P4HA2: variants seen among roughly 807,000 people sequenced by gnomAD.
P4HA2 encodes prolyl 4-hydroxylase subunit alpha-2.
P4HA2 carries 46 observed loss-of-function variants against 76.9 expected under a neutral mutation model. The ratio of observed to expected loss-of-function variants is 0.60; its 90% CI spans 0.47 to 0.76. The LOEUF is 0.76. Ranked by LOEUF, P4HA2 falls within the 30% of genes least tolerant of loss-of-function variation. P4HA2 has a pLI of 0.00. For synonymous variants in P4HA2, 243 were observed against 254.0 expected (o/e 0.96, Z 0.41); for missense variants, 583 against 669.4 (o/e 0.87, Z 1.42).
intron 14 of P4HA2, 61 bp from the exon 15 acceptor site, chr5:132,193,141 G>C: frequency 8.7e-7 from 1 of 1,146,964 alleles, no homozygotes; most frequent in Non-Finnish European, 1.3e-6. Context: ...CTGAATGAAT[G>C]ACTCCTTCAT....
At chr5:132,193,215 C>G in intron 14 of P4HA2, 135 bp from the exon 15 acceptor site, 1 of 645,534 alleles carries the variant, frequency 1.5e-6, no homozygotes, top group East Asian at 2.6e-5. Flanking sequence ...TCTCAGGCCT[C>G]AATTTGCTGA....
intron 11 of P4HA2, 96 bp downstream of exon 11, chr5:132,198,783 G>C: frequency 1.2e-6 from 1 of 840,448 alleles, no homozygotes; most frequent in Non-Finnish European, 2.1e-6. Context: ...AGGGGTGGGG[G>C]TACTGATGTG....
At position 132,198,308 on chromosome 5, in the gene P4HA2, A is replaced by C. The variant is rs1226909838; in HGVS notation, c.1365+13T>G. 10 of 1,614,188 alleles carry C rather than the reference A, an allele frequency of 6.2e-6. No individual in the cohort carries two copies. The highest frequency in any genetic ancestry group is 8.5e-6 in the Non-Finnish European group (10 of 1,180,032). On this transcript the variant is annotated intron_variant, in intron 12 of 14. Transcript: ENST00000360568. The stretch of plus-strand genomic sequence containing the variant: ...AGTGAGAATGAACAGGTGGGCCTGG[A>C]CCCAGTACTTACGTAGTTAAGAAAC...
intron 7 of P4HA2, 146 bp downstream of exon 7, chr5:132,208,992 G>T: frequency 1.5e-6 from 1 of 646,548 alleles, no homozygotes; most frequent in Middle Eastern, 4.4e-4. Flanking sequence ...ATATCCACAT[G>T]TCAGCCTCAG....
At chr5:132,218,783 A>G in intron 1 of P4HA2, 139 bp from the exon 2 acceptor site, 1 of 586,392 alleles carries the variant, frequency 1.7e-6, no homozygotes, top group Non-Finnish European at 3.1e-6. Flanking sequence ...GAAGCTAAAA[A>G]GGACAAACAG....
chr5:132,217,072 G>A, intron 4 of P4HA2, 125 bp downstream of exon 4: 2 of 827,594 alleles, frequency 2.4e-6, no homozygotes, highest in South Asian at 1.9e-5. Context: ...GAGACCAGCA[G>A]GGTCCTGTTT....
At position 132,225,177 on chromosome 5, in the gene P4HA2, T is replaced by G. The variant is rs142455915; in HGVS notation, c.-19+2613A>C. Among the ~76,000 whole-genome samples the G allele has an allele frequency of 3.4e-3, 518 of 152,178 alleles. 6 individuals carry two copies. Among genetic ancestry groups the G allele is most frequent in the African/African-American group, 0.012 (497 of 41,512 alleles). On this transcript the variant is annotated intron_variant, in intron 1 of 14. Transcript: ENST00000360568. ...GGCTGATGTCTTACCCTAAGGAACT[T>G]CAAATGTCCAAATTGCTAGATGTGA...
chr5:132,219,887 C>T (rs1182298952), intron 1 of P4HA2, among the ~76,000 whole-genome samples: 2 of 152,030 alleles, frequency 1.3e-5, no homozygotes, highest in Non-Finnish European at 1.5e-5. Context: ...CAGAGAAGGC[C>T]AACCACAACT....
In P4HA2 at chr5:132,192,041, A is replaced by C. The variant is rs200492796; in HGVS notation, c.*969T>G. 1.3e-5 allele frequency: 2 copies of C among 152,276 alleles called. No individual in the cohort carries two copies. The highest frequency in any genetic ancestry group is 2.9e-5 in the Non-Finnish European group (2 of 68,046). The allele number at this position is 152,276 out of a possible 1,614,324, so 9.4% of individuals were successfully genotyped here. On this transcript the variant is annotated 3_prime_UTR_variant, in exon 15 of 15. Transcript: ENST00000360568. ...ACTCTCATTCTATTAGTAAAAGTTC[A>C]AAATCAGGGAAAACAGAATAACTAC...
intron 4 of P4HA2, among the ~76,000 whole-genome samples, chr5:132,215,120 G>A (rs1580725837): frequency 6.6e-6 from 1 of 152,344 alleles, no homozygotes; most frequent in East Asian, 1.9e-4. Context: ...CAGGGACCAA[G>A]AAGCTGTAAC....
chr5:132,191,320 G>A lies in P4HA2; in HGVS notation c.*1690C>T, dbSNP rs1345786151. On this transcript the variant is annotated 3_prime_UTR_variant, in exon 15 of 15. Coordinates refer to ENST00000360568, the MANE Select transcript of P4HA2 (RefSeq NM_001017974.2). ...GAGGTCAGGAGATCGAGACCATCCC[G>A]GCTAAAACGGTGAAACCCCGTCTCT... Among the ~76,000 whole-genome samples the A allele has an allele frequency of 6.6e-6, 1 of 151,800 alleles. No homozygotes were observed. The highest frequency in any genetic ancestry group is 2.4e-5 in the African/African-American group (1 of 41,324).
chr5:132,195,010 A>G lies in P4HA2; in HGVS notation c.1447T>C (p.Phe483Leu), dbSNP rs763191975. ...AIWPKKGTAV[F>L]WYNLLRSGEG... Reference sequence around the variant, plus strand: ...CCGCTCCGCAAGAGGTTGTACCAGAACACAGCTGTACCCTGGGAAAGAGAT... The same window carrying G: ...CCGCTCCGCAAGAGGTTGTACCAGAGCACAGCTGTACCCTGGGAAAGAGAT... Residue 483 changes from phenylalanine to leucine, a missense_variant, in exon 14 of 15, where the codon TTC becomes CTC. Transcript: ENST00000360568. 6.2e-7 allele frequency: 1 copy of G among 1,609,806 alleles called. No homozygotes were observed. Among genetic ancestry groups the G allele is most frequent in the Non-Finnish European group, 8.5e-7 (1 of 1,176,020 alleles).
intron 1 of P4HA2, among the ~76,000 whole-genome samples, chr5:132,222,706 C>T (rs1754806416): frequency 6.6e-6 from 1 of 152,236 alleles, no homozygotes; most frequent in South Asian, 2.1e-4. Flanking sequence ...TATTCTCCTT[C>T]ACGAAGAACC....
chr5:132,194,811 G>C, intron 14 of P4HA2, 115 bp downstream of exon 14: 1 of 745,354 alleles, frequency 1.3e-6, no homozygotes, highest in East Asian at 2.5e-5. Flanking sequence ...AACCTAAGAA[G>C]GGAGACAGTC....
rs199754208 is a variant in P4HA2 at position 132,217,178 on chromosome 5, C to T, written c.331+19G>A. The T allele has an allele frequency of 2.5e-6, 4 of 1,611,992 alleles. No homozygotes were observed. The South Asian group carries it at 4.4e-5, about 18-fold the overall frequency. ...ACAAACATATGGGCTCACTCAAGCA[C>T]CTGCTCACCGTCCCTCACCTGCAGC... is the stretch of plus-strand genomic sequence containing the variant. On this transcript the variant is annotated intron_variant, in intron 4 of 14. Coordinates refer to ENST00000360568, the MANE Select transcript of P4HA2 (RefSeq NM_001017974.2).
At chr5:132,208,238 A>C (rs76871735) in intron 7 of P4HA2, among the ~76,000 whole-genome samples, 1,689 of 150,044 alleles carry the variant, frequency 0.011, 27 homozygotes, top group African/African-American at 0.04. Flanking sequence ...AGCTGCAGTG[A>C]GCTATGATTA....
chr5:132,216,218 C>A (rs918865960), intron 4 of P4HA2, among the ~76,000 whole-genome samples: 1 of 148,604 alleles, frequency 6.7e-6, no homozygotes, highest in Admixed American at 6.7e-5. Flanking sequence ...AAACCCAGGG[C>A]TAGGAGTTAG....
intron 5 of P4HA2, among the ~76,000 whole-genome samples, chr5:132,213,272 A>G (rs149503367): frequency 6.6e-6 from 1 of 152,306 alleles, no homozygotes; most frequent in African/African-American, 2.4e-5. Flanking sequence ...TAAGAACAGC[A>G]TCAGTGACAG....
At position 132,191,557 on chromosome 5, in the gene P4HA2, G is replaced by A. The variant is rs545210302; in HGVS notation, c.*1453C>T. Among the ~76,000 whole-genome samples the A allele has an allele frequency of 1.6e-4, 24 of 151,912 alleles. No homozygotes were observed. The highest frequency in any genetic ancestry group is 5.6e-4 in the African/African-American group (23 of 41,430). On this transcript the variant is annotated 3_prime_UTR_variant, in exon 15 of 15. Coordinates refer to ENST00000360568, the MANE Select transcript of P4HA2 (RefSeq NM_001017974.2). ...AGATTTCAACATATGAATCTGGTGG[G>A]GGGACACAAACATTTAGTCCGTAAC...
Sources: allele counts gnomAD v4.1 joint callset (sites outside exome capture counted in the v4.1 genomes callset), GRCh38; gene constraint gnomAD v4.1.1; transcripts MANE v1.5; gene names NCBI Gene and HGNC (gene_info 2026-07-23, HGNC 2026-07-21).